The following CCSER1 variants were observed in gnomAD, a reference collection of about 807,000 sequenced individuals.
CCSER1 encodes the protein coiled-coil serine rich protein 1.
Under a neutral mutation model 82.0 loss-of-function variants are expected in CCSER1, and 41 were observed. That is an observed-to-expected ratio of 0.50 (90% CI 0.39 to 0.65). The LOEUF is 0.65. Among genes scored for constraint, CCSER1 ranks in the 30% least tolerant of loss-of-function variants. CCSER1 has a pLI of 0.00. For synonymous variants in CCSER1, 414 were observed against 383.9 expected, an observed-to-expected ratio of 1.08 and a Z score of -0.92; for missense variants, 1,119 against 1,064.2, an observed-to-expected ratio of 1.05 and a Z score of -0.72.
intron 10 of CCSER1, among the ~76,000 whole-genome samples, chr4:91,411,202 A>G (rs1044898872): frequency 6.6e-6 from 1 of 151,784 alleles, no homozygotes; most frequent in Non-Finnish European, 1.5e-5. Context: ...ATCTGGAGAA[A>G]AGAGGCTTGG....
intron 10 of CCSER1, among the ~76,000 whole-genome samples, chr4:91,594,226 A>G (rs1389693157): frequency 1.3e-5 from 2 of 151,788 alleles, no homozygotes; most frequent in African/African-American, 2.4e-5. Flanking sequence ...ATTGGTTAAC[A>G]TCATAATATG....
intron 1 of CCSER1, among the ~76,000 whole-genome samples, chr4:90,227,652 C>T (rs1352054477): frequency 6.6e-6 from 1 of 152,222 alleles, no homozygotes; most frequent in Non-Finnish European, 1.5e-5. Context: ...CTCTGGTCTA[C>T]AGCTCCCAGC....
chr4:90,292,034 G>A lies in CCSER1; in HGVS notation c.-41-16210G>A, dbSNP rs1731027865. Among the ~76,000 whole-genome samples, 3 of 151,888 alleles carry A rather than the reference G, an allele frequency of 2.0e-5. No homozygotes were observed. In the South Asian group the frequency reaches 6.2e-4, roughly 32 times the overall value. On this transcript the variant is annotated intron_variant, in intron 1 of 10. Transcript: ENST00000509176. ...CAGAAATGTAAGAAAATAGGTATAT[G>A]ATTTGGTTAAGCCCATTGATTACAT...
intron 10 of CCSER1, among the ~76,000 whole-genome samples, chr4:91,551,309 G>A (rs1762147432): frequency 6.6e-6 from 1 of 151,954 alleles, no homozygotes; most frequent in Non-Finnish European, 1.5e-5. Context: ...TTCTTTAAAT[G>A]TTTACAGTTT....
chr4:90,954,361 A>G (rs927486577), intron 9 of CCSER1, among the ~76,000 whole-genome samples: 6 of 151,988 alleles, frequency 3.9e-5, no homozygotes, highest in African/African-American at 1.4e-4. Flanking sequence ...TTTTATTTGT[A>G]TTGAATTTTG....
At chr4:90,806,943 C>T (rs181517297) in intron 7 of CCSER1, among the ~76,000 whole-genome samples, 1 of 151,496 alleles carries the variant, frequency 6.6e-6, no homozygotes, top group African/African-American at 2.4e-5. Flanking sequence ...CATTTGATTC[C>T]TGGAGAACCA....
At chr4:90,385,715 T>C (rs913387197) in intron 3 of CCSER1, among the ~76,000 whole-genome samples, 9 of 152,118 alleles carry the variant, frequency 5.9e-5, no homozygotes, top group Admixed American at 2.0e-4. Context: ...AGTGTAGTTT[T>C]AATTTGCATT....
chr4:90,400,033 C>T lies in CCSER1; in HGVS notation c.1510-3C>T. The T allele has an allele frequency of 6.3e-7, 1 of 1,577,350 alleles. No homozygotes were observed. Among genetic ancestry groups the T allele is most frequent in the East Asian group, 2.2e-5 (1 of 44,524 alleles). Reference sequence around the variant, plus strand: ...CTAATTGTTGGTTTTGATTTTTCTTCAGGATGTTTTGAATAATTTGGGATC... The same window carrying T: ...CTAATTGTTGGTTTTGATTTTTCTTTAGGATGTTTTGAATAATTTGGGATC... On this transcript the variant is annotated splice_polypyrimidine_tract_variant and splice_region_variant and intron_variant, in intron 3 of 10. Coordinates refer to ENST00000509176, the MANE Select transcript of CCSER1 (RefSeq NM_001145065.2).
At chr4:91,056,928 G>A (rs946720497) in intron 9 of CCSER1, among the ~76,000 whole-genome samples, 1 of 152,042 alleles carries the variant, frequency 6.6e-6, no homozygotes, top group Non-Finnish European at 1.5e-5. Flanking sequence ...TTCTCAAAAG[G>A]AGAAAGACAA....
chr4:90,695,990 A>G (rs1267888180), intron 6 of CCSER1, among the ~76,000 whole-genome samples: 5 of 152,128 alleles, frequency 3.3e-5, no homozygotes, highest in Non-Finnish European at 7.4e-5. Context: ...AAAATTTTTA[A>G]TGAATAAAAG....
chr4:90,938,776 T>C, intron 9 of CCSER1: 1 of 292,324 alleles, frequency 3.4e-6, no homozygotes, highest in Non-Finnish European at 7.1e-6. Flanking sequence ...ATCACTAATC[T>C]GTGACATGTA....
intron 10 of CCSER1, among the ~76,000 whole-genome samples, chr4:91,131,256 A>T (rs574146721): frequency 3.4e-4 from 52 of 151,494 alleles, no homozygotes; most frequent in Non-Finnish European, 1.3e-4. Context: ...TCAATATAGG[A>T]TCAAATTAAG....
At chr4:91,009,284 C>G (rs190800483) in intron 9 of CCSER1, among the ~76,000 whole-genome samples, 2 of 152,284 alleles carry the variant, frequency 1.3e-5, no homozygotes, top group Admixed American at 1.3e-4. Flanking sequence ...GTTGCTGGCT[C>G]GAATGCCTAG....
intron 5 of CCSER1, among the ~76,000 whole-genome samples, chr4:90,470,744 C>G (rs187197655): frequency 8.7e-6 from 1 of 114,602 alleles, no homozygotes; most frequent in East Asian, 3.0e-4. Flanking sequence ...GATAATTTCT[C>G]ATTCCTTTTA....
intron 6 of CCSER1, among the ~76,000 whole-genome samples, chr4:90,633,157 G>T (rs1724757517): frequency 6.6e-6 from 1 of 151,984 alleles, no homozygotes; most frequent in Non-Finnish European, 1.5e-5. Context: ...GAAGGTATTT[G>T]CTGCTTAATA....
chr4:90,823,607 G>T (rs991141216), intron 8 of CCSER1, among the ~76,000 whole-genome samples: 1 of 152,004 alleles, frequency 6.6e-6, no homozygotes, highest in African/African-American at 2.4e-5. Flanking sequence ...GTATTTATTT[G>T]TATTTAAGAT....
At chr4:90,757,585 AC>A (rs1749735599) in intron 7 of CCSER1, among the ~76,000 whole-genome samples, 1 of 152,188 alleles carries the variant, frequency 6.6e-6, no homozygotes, top group Non-Finnish European at 1.5e-5. Context: ...CCCTGGTTCT[AC>A]GTAGTGCTCC....
At chr4:91,009,845 G>T (rs1738858381) in intron 9 of CCSER1, among the ~76,000 whole-genome samples, 1 of 151,782 alleles carries the variant, frequency 6.6e-6, no homozygotes, top group African/African-American at 2.4e-5. Flanking sequence ...TTTATATTAT[G>T]GAATTTTAAA....
chr4:90,358,870 C>G (rs1035344466), intron 3 of CCSER1, among the ~76,000 whole-genome samples: 2 of 152,160 alleles, frequency 1.3e-5, no homozygotes, highest in African/African-American at 4.8e-5. Flanking sequence ...TCATTCATTA[C>G]TTTATAAGGC....
Sources: gnomAD v4.1 joint callset for allele counts (sites outside exome capture counted in the v4.1 genomes callset) on GRCh38, gnomAD v4.1.1 for gene constraint, MANE v1.5 for transcripts, NCBI Gene and HGNC (gene_info 2026-07-23, HGNC 2026-07-21) for gene names.